The following TNIK variants were observed in gnomAD, a reference collection of about 807,000 sequenced individuals.
TNIK encodes the protein TRAF2 and NCK-interacting protein kinase.
A neutral mutation model predicts 191.3 loss-of-function variants in TNIK; 49 were observed. The ratio of observed to expected loss-of-function variants is 0.26; its 90% CI spans 0.20 to 0.32. The LOEUF (loss-of-function observed/expected upper bound fraction) is 0.32, where lower values mean the gene tolerates loss of function less well. Among genes scored for constraint, TNIK ranks in the 10% least tolerant of loss-of-function variants. TNIK has a pLI of 1.00. For missense variants in TNIK, 1,155 were observed against 1,702.3 expected (o/e 0.68, Z 5.66); for synonymous variants, 594 against 600.9 (o/e 0.99, Z 0.17).
intron 21 of TNIK, among the ~76,000 whole-genome samples, chr3:171,106,475 G>A (rs777314073): frequency 4.6e-5 from 7 of 152,168 alleles, no homozygotes; most frequent in Non-Finnish European, 8.8e-5. Context: ...TTAAAGCCAT[G>A]ATGGTAGTCT....
intron 2 of TNIK, among the ~76,000 whole-genome samples, chr3:171,241,954 G>T (rs1745039647): frequency 7.0e-6 from 1 of 142,736 alleles, no homozygotes. Flanking sequence ...ACTCAGGTGG[G>T]AATTGAACAA....
At chr3:171,238,845 G>A (rs73043082) in intron 2 of TNIK, among the ~76,000 whole-genome samples, 8,010 of 152,242 alleles carry the variant, frequency 0.053, 723 homozygotes, top group African/African-American at 0.18. Flanking sequence ...TCCTTGCTTA[G>A]TAGAATCTTA....
intron 9 of TNIK, among the ~76,000 whole-genome samples, chr3:171,171,886 T>C (rs1344997594): frequency 1.3e-5 from 2 of 152,206 alleles, no homozygotes; most frequent in Non-Finnish European, 2.9e-5. Flanking sequence ...TGAGAGTATC[T>C]TTGGTTTCCT....
At chr3:171,423,017 C>T (rs1362815958) in intron 1 of TNIK, among the ~76,000 whole-genome samples, 1 of 152,094 alleles carries the variant, frequency 6.6e-6, no homozygotes, top group Non-Finnish European at 1.5e-5. Context: ...GTATTTTAGA[C>T]AATGTGCAAA....
chr3:171,329,858 T>C lies in TNIK; in HGVS notation c.123+39762A>G, dbSNP rs537850645. Among the ~76,000 whole-genome samples, 3 of 152,352 alleles carry C rather than the reference T, an allele frequency of 2.0e-5. No homozygotes were observed. The South Asian group carries it at 6.2e-4, about 32-fold the overall frequency. On this transcript the variant is annotated intron_variant, in intron 2 of 32. Transcript: ENST00000436636. The stretch of plus-strand genomic sequence containing the variant: ...AAAGCATATTCTTTTCTTTTCTTTA[T>C]GGCTTCCAGCTTTGAGGGATGCGAA...
At chr3:171,273,669 CTT>C (rs961439614) in intron 2 of TNIK, among the ~76,000 whole-genome samples, 13 of 152,112 alleles carry the variant, frequency 8.5e-5, no homozygotes, top group African/African-American at 3.1e-4. Context: ...AGCTTAATAA[CTT>C]TTTAACTCTG....
chr3:171,344,573 C>A (rs918729902), intron 2 of TNIK, among the ~76,000 whole-genome samples: 1 of 152,030 alleles, frequency 6.6e-6, no homozygotes, highest in East Asian at 1.9e-4. Flanking sequence ...ATTAGGTGAC[C>A]GGACCTTCCT....
intron 24 of TNIK, among the ~76,000 whole-genome samples, chr3:171,086,154 T>C (rs547447357): frequency 1.1e-4 from 16 of 152,338 alleles, no homozygotes; most frequent in African/African-American, 3.8e-4. Flanking sequence ...TTCACTTTAG[T>C]TTTACTGTTA....
At chr3:171,176,333 G>A (rs1056414264) in intron 8 of TNIK, among the ~76,000 whole-genome samples, 4 of 152,190 alleles carry the variant, frequency 2.6e-5, no homozygotes, top group Admixed American at 2.0e-4. Context: ...GTAAGAAAAC[G>A]ATGACAACCC....
chr3:171,144,434 CTTATT>C (rs1471886225), intron 12 of TNIK, among the ~76,000 whole-genome samples: 4 of 151,780 alleles, frequency 2.6e-5, no homozygotes, highest in East Asian at 1.9e-4. Context: ...TTTTAAATTT[CTTATT>C]TTAGACATTA....
chr3:171,311,026 C>CA (rs1327120712), intron 2 of TNIK, among the ~76,000 whole-genome samples: 2 of 152,104 alleles, frequency 1.3e-5, no homozygotes, highest in African/African-American at 2.4e-5. Flanking sequence ...TCTCAATCTC[C>CA]ACTCACCGCT....
At chr3:171,314,028 C>T (rs1179850110) in intron 2 of TNIK, among the ~76,000 whole-genome samples, 7 of 152,178 alleles carry the variant, frequency 4.6e-5, no homozygotes, top group Admixed American at 4.6e-4. Context: ...CTGAATATTT[C>T]AGTTGCTCCA....
At chr3:171,358,989 GGTTCA>G (rs1313259660) in intron 2 of TNIK, among the ~76,000 whole-genome samples, 1 of 152,166 alleles carries the variant, frequency 6.6e-6, no homozygotes, top group Non-Finnish European at 1.5e-5. Context: ...ATATTTAACT[GGTTCA>G]GGGTTTCAGT....
At chr3:171,374,820 G>A (rs186174688) in intron 1 of TNIK, among the ~76,000 whole-genome samples, 5 of 152,262 alleles carry the variant, frequency 3.3e-5, no homozygotes, top group South Asian at 2.1e-4. Context: ...TGTCAGAAAC[G>A]ATTCTAAGCA....
At chr3:171,189,087 C>T (rs1737714659) in intron 6 of TNIK, among the ~76,000 whole-genome samples, 2 of 152,200 alleles carry the variant, frequency 1.3e-5, no homozygotes, top group Non-Finnish European at 2.9e-5. Context: ...CCCAATTCCC[C>T]CTTGCCCCAA....
At chr3:171,123,771 T>C in intron 17 of TNIK, 69 bp from the exon 18 acceptor site, 1 of 1,189,156 alleles carries the variant, frequency 8.4e-7, no homozygotes, top group Non-Finnish European at 1.2e-6. Context: ...CAGAAAATCC[T>C]CCTTTCCAAT....
chr3:171,220,832 A>G (rs1560281323), intron 3 of TNIK, among the ~76,000 whole-genome samples: 1 of 152,174 alleles, frequency 6.6e-6, no homozygotes, highest in Non-Finnish European at 1.5e-5. Flanking sequence ...GCTCACCTTT[A>G]TTAGTTTGGA....
rs3796296 is a variant in TNIK, at chr3:171,369,720, A to T, written c.58-35T>A. Reference sequence around the variant, plus strand: ...AATAAACAAACAATAAAAATTCAAAACAATATTCCAGGCATTGCCTTAATC... The same window carrying T: ...AATAAACAAACAATAAAAATTCAAATCAATATTCCAGGCATTGCCTTAATC... On this transcript the variant is annotated intron_variant, in intron 1 of 32. Transcript: ENST00000436636. 2.5e-3 allele frequency: 3,805 copies of T among 1,517,238 alleles called. 39 individuals are homozygous for T. The East Asian group carries it at 0.035, about 14-fold the overall frequency. The allele number at this position is 1,517,238 out of a possible 1,614,324, so 94.0% of individuals were successfully genotyped here. A position where few individuals can be genotyped will look rare whatever the true frequency, so the allele number is the denominator to read the frequency against.
chr3:171,179,057 G>A (rs973316357), intron 7 of TNIK, among the ~76,000 whole-genome samples: 2 of 152,196 alleles, frequency 1.3e-5, no homozygotes, highest in African/African-American at 4.8e-5. Flanking sequence ...CTGAGAGCAG[G>A]TGGCTGGGGC....
Sources: allele counts gnomAD v4.1 joint callset (sites outside exome capture counted in the v4.1 genomes callset), GRCh38; gene constraint gnomAD v4.1.1; transcripts MANE v1.5; gene names NCBI Gene and HGNC (gene_info 2026-07-23, HGNC 2026-07-21).